Variants in MET observed in about 807,000 individuals in gnomAD.
The protein encoded by MET is hepatocyte growth factor receptor.
In MET, 48 loss-of-function variants were observed where a neutral mutation model predicts 133.1. That is an observed-to-expected ratio of 0.36 (90% CI 0.29 to 0.46). The LOEUF is 0.46. Ranked by LOEUF, MET falls within the 20% of genes least tolerant of loss-of-function variation. The probability of loss-of-function intolerance (pLI) is 1.00; values close to 1 mark genes in which losing one functional copy is unlikely to be tolerated. For missense variants in MET, 1,442 were observed against 1,695.9 expected, an observed-to-expected ratio of 0.85 and a Z score of 2.63; for synonymous variants, 628 against 616.5, an observed-to-expected ratio of 1.02 and a Z score of -0.28.
At chr7:116,768,989 C>A (rs993863440) in intron 11 of MET, among the ~76,000 whole-genome samples, 9 of 152,114 alleles carry the variant, frequency 5.9e-5, no homozygotes, top group Non-Finnish European at 1.3e-4. Context: ...ATTGTGCTCT[C>A]AAATTATAAT....
At chr7:116,676,541 C>T (rs563434056) in intron 1 of MET, among the ~76,000 whole-genome samples, 1 of 152,118 alleles carries the variant, frequency 6.6e-6, no homozygotes, top group Non-Finnish European at 1.5e-5. Flanking sequence ...AAATACATAA[C>T]TGAAATGTGT....
chr7:116,734,618 T>C (rs1793143838), intron 3 of MET, among the ~76,000 whole-genome samples: 1 of 152,260 alleles, frequency 6.6e-6, no homozygotes, highest in Non-Finnish European at 1.5e-5. Context: ...TCTCAATATC[T>C]GCAGAGCCAT....
chr7:116,700,304 C>T lies in MET; in HGVS notation c.1200+20C>T, dbSNP rs1332335317. ...AATAGGGTAAGTCACATCAGTTCCC[C>T]ACTTATAAACTGTGAGGTATAAATT... On this transcript the variant is annotated intron_variant, in intron 2 of 20. Transcript: ENST00000397752. The T allele has an allele frequency of 1.9e-6, 3 of 1,595,896 alleles. No individual in the cohort carries two copies. Among genetic ancestry groups the T allele is most frequent in the South Asian group, 1.1e-5 (1 of 88,950 alleles).
chr7:116,749,053 T>C (rs2116877235), intron 5 of MET, among the ~76,000 whole-genome samples: 1 of 152,320 alleles, frequency 6.6e-6, no homozygotes, highest in African/African-American at 2.4e-5. Context: ...CCATTCCTTC[T>C]GAAACTATTC....
chr7:116,702,914 G>T (rs1162737036), intron 2 of MET, among the ~76,000 whole-genome samples: 1 of 151,996 alleles, frequency 6.6e-6, no homozygotes, highest in Non-Finnish European at 1.5e-5. Flanking sequence ...ACATTTTAGG[G>T]GTCCAGCAGG....
chr7:116,703,555 C>A (rs916870888), intron 2 of MET, among the ~76,000 whole-genome samples: 2 of 152,080 alleles, frequency 1.3e-5, no homozygotes, highest in East Asian at 3.9e-4. Context: ...GGAGAAAAAA[C>A]CCTCATCTCT....
chr7:116,755,366 T>A lies in MET; in HGVS notation c.1713T>A (p.Asn571Lys), dbSNP rs758299724. 6.2e-7 allele frequency: 1 copy of A among 1,614,122 alleles called. No homozygotes were observed. Among genetic ancestry groups the A allele is most frequent in the East Asian group, 2.2e-5 (1 of 44,876 alleles). ...CLPAIYKVFP[N>K]SAPLEGGTRL... ...TGTTGTCCTTGTAGGTTTTCCCAAA[T>A]AGTGCACCCCTTGAAGGAGGGACAA... Residue 571 changes from asparagine to lysine, a missense_variant, in exon 6 of 21, where the codon AAT (asparagine) becomes AAA (lysine). Physicochemically the swap from Asn to Lys is moderately conservative, Grantham distance 94 (BLOSUM62 0). This residue lies in a region of MET where 762 missense variants were observed against 792.4 expected (regional missense o/e 0.96). Coordinates refer to ENST00000397752, the MANE Select transcript of MET (RefSeq NM_000245.4).
At chr7:116,678,362 G>A (rs1460393960) in intron 1 of MET, among the ~76,000 whole-genome samples, 1 of 152,036 alleles carries the variant, frequency 6.6e-6, no homozygotes, top group East Asian at 1.9e-4. Flanking sequence ...TTTTGAAATG[G>A]TCTCCTACTC....
intron 8 of MET, among the ~76,000 whole-genome samples, chr7:116,758,231 A>G (rs759248192): frequency 1.3e-5 from 2 of 152,130 alleles, no homozygotes; most frequent in Non-Finnish European, 2.9e-5. Context: ...AGTACTTTAA[A>G]GGTTTTTTTT....
chr7:116,737,522 C>T (rs970815265), intron 3 of MET, among the ~76,000 whole-genome samples: 1 of 152,132 alleles, frequency 6.6e-6, no homozygotes, highest in African/African-American at 2.4e-5. Flanking sequence ...GGATTCTGGC[C>T]TCAGATAAAG....
At chr7:116,713,756 T>G (rs2116669510) in intron 2 of MET, among the ~76,000 whole-genome samples, 1 of 152,316 alleles carries the variant, frequency 6.6e-6, no homozygotes, top group Admixed American at 6.5e-5. Context: ...AATATAGTCA[T>G]GGGCTTGAAC....
intron 3 of MET, among the ~76,000 whole-genome samples, chr7:116,736,742 A>G (rs1793228231): frequency 6.6e-6 from 1 of 152,248 alleles, no homozygotes. Context: ...AGGCCATTAA[A>G]GAAAAAATAT....
intron 2 of MET, among the ~76,000 whole-genome samples, chr7:116,711,649 T>C (rs190679682): frequency 1.2e-4 from 18 of 152,142 alleles, no homozygotes; most frequent in Admixed American, 1.0e-3. Flanking sequence ...GTTTAGTGTA[T>C]TGACATTGAT....
chr7:116,724,800 G>A (rs777152817), intron 2 of MET: 21 of 1,288,714 alleles, frequency 1.6e-5, no homozygotes, highest in Non-Finnish European at 2.1e-5. Context: ...TGGAGGTGAA[G>A]ACCCTGGAGC....
intron 5 of MET, among the ~76,000 whole-genome samples, chr7:116,742,745 A>G (rs992127980): frequency 6.6e-6 from 1 of 152,216 alleles, no homozygotes; most frequent in African/African-American, 2.4e-5. Flanking sequence ...TAACTCTAGC[A>G]TTCTATAGTT....
At chr7:116,759,834 G>A (rs1794327890) in intron 10 of MET, among the ~76,000 whole-genome samples, 2 of 152,090 alleles carry the variant, frequency 1.3e-5, no homozygotes, top group East Asian at 1.9e-4. Flanking sequence ...TGGAGTGCAA[G>A]GGCACGATCT....
At chr7:116,740,773 C>T (rs1328048562) in intron 4 of MET, 79 bp from the exon 5 acceptor site, 3 of 1,531,958 alleles carry the variant, frequency 2.0e-6, no homozygotes, top group Non-Finnish European at 2.7e-6. Context: ...TTTACATGTA[C>T]CTTTTGTGTA....
chr7:116,682,543 G>A (rs1466330032), intron 1 of MET, among the ~76,000 whole-genome samples: 1 of 152,154 alleles, frequency 6.6e-6, no homozygotes, highest in Non-Finnish European at 1.5e-5. Flanking sequence ...CCATAGACCT[G>A]ATGAATTATA....
At chr7:116,731,310 T>C (rs1248945324) in intron 2 of MET, among the ~76,000 whole-genome samples, 2 of 152,216 alleles carry the variant, frequency 1.3e-5, no homozygotes, top group African/African-American at 2.4e-5. Flanking sequence ...ATTATTCCAG[T>C]TGAAATTCAT....
Sources: gnomAD v4.1 joint callset for allele counts (sites outside exome capture counted in the v4.1 genomes callset) on GRCh38, gnomAD v4.1.1 for gene constraint, gnomAD v4.1.1 regional missense constraint, MANE v1.5 for transcripts, NCBI Gene and HGNC (gene_info 2026-07-23, HGNC 2026-07-21) for gene names.